ZDHHC9: variants seen among roughly 807,000 people sequenced by gnomAD.
ZDHHC9 encodes palmitoyltransferase ZDHHC9.
ZDHHC9 carries 3 observed loss-of-function variants against 26.6 expected under a neutral mutation model. The observed-to-expected ratio is 0.11, with a 90% CI of 0.05 to 0.29. ZDHHC9 has a LOEUF of 0.29. ZDHHC9 is among the 10% of genes least tolerant of loss of function. The pLI is 1.00. For synonymous variants in ZDHHC9, 111 were observed against 109.4 expected (o/e 1.01, Z -0.09); for missense variants, 146 against 296.4 (o/e 0.49, Z 3.73).
chrX:129,837,314 C>T (rs748600223), intron 3 of ZDHHC9, among the ~76,000 whole-genome samples: 6 of 112,013 alleles, frequency 5.4e-5, no homozygotes, highest in Admixed American at 4.7e-4. Context: ...AGACTAGCTG[C>T]GGGGGACAAC....
intron 10 of ZDHHC9, among the ~76,000 whole-genome samples, chrX:129,808,763 A>G (rs767601571): frequency 8.9e-5 from 10 of 112,418 alleles, no homozygotes; most frequent in Non-Finnish European, 1.9e-4. Flanking sequence ...GACACTATCA[A>G]GAAAATTAAA....
rs1259951507 is a variant in ZDHHC9 at position 129,835,516 on chromosome X, C to T, written c.167+6263G>A. Among the ~76,000 whole-genome samples, 3 of 110,336 alleles carry T rather than the reference C, an allele frequency of 2.7e-5. No individual in the cohort carries two copies. In the South Asian group the frequency reaches 1.2e-3, roughly 43 times the overall value. On this transcript the variant is annotated intron_variant, in intron 3 of 10. Transcript: ENST00000357166. ...AGCAAACTGCCGCCAGGTGCAGTAG[C>T]TCACGCCTGTAATCCCAGCACTTTG... is the stretch of plus-strand genomic sequence containing the variant.
intron 3 of ZDHHC9, among the ~76,000 whole-genome samples, chrX:129,833,068 T>C (rs1602960250): frequency 9.0e-6 from 1 of 110,730 alleles, no homozygotes; most frequent in Non-Finnish European, 1.9e-5. Flanking sequence ...ATAATATCCA[T>C]ATACTTCTTA....
At chrX:129,823,274 T>C (rs1927932789) in intron 5 of ZDHHC9, 14 of 164,834 alleles carry the variant, frequency 8.5e-5, no homozygotes, top group Non-Finnish European at 1.6e-4. Flanking sequence ...CAATAAATGC[T>C]AGCAACTTTC....
chrX:129,816,167 C>T (rs1243056665), intron 5 of ZDHHC9, among the ~76,000 whole-genome samples: 1 of 111,754 alleles, frequency 8.9e-6, no homozygotes, highest in Admixed American at 9.5e-5. Flanking sequence ...ATACAGTTGG[C>T]CCTCCGTATC....
chrX:129,811,912 C>T (rs1455543747), intron 8 of ZDHHC9, among the ~76,000 whole-genome samples: 1 of 110,922 alleles, frequency 9.0e-6, no homozygotes, highest in Admixed American at 9.6e-5. Flanking sequence ...TTTAAAAGTA[C>T]ATAATATAAA....
chrX:129,811,505 T>C lies in ZDHHC9; in HGVS notation c.782A>G (p.Lys261Arg). ...ALNQTTNEDIKGSWTGKNRVQ... is the reference protein window; with the variant it reads ...ALNQTTNEDIRGSWTGKNRVQ... Reference sequence around the variant, plus strand: ...GCGATTCTTCCCTGTCCATGATCCTTTGATCTGCAAGATAAAAACCAAGGC... The same window carrying C: ...GCGATTCTTCCCTGTCCATGATCCTCTGATCTGCAAGATAAAAACCAAGGC... Residue 261 changes from lysine to arginine, a missense_variant, in exon 9 of 11, where the codon AAA becomes AGA. By Grantham distance (26) the Lys-to-Arg change is conservative. This residue lies in a region of ZDHHC9 where 100 missense variants were observed against 250.0 expected (regional missense o/e 0.40). Transcript: ENST00000357166. 8.3e-7 allele frequency: 1 copy of C among 1,198,165 alleles called. No homozygotes were observed.
At chrX:129,823,024 T>C (rs1927926266) in intron 5 of ZDHHC9, 1 of 112,177 alleles carries the variant, frequency 8.9e-6, no homozygotes, top group Non-Finnish European at 1.9e-5. Context: ...TACAGACCAC[T>C]GTATTAGACA....
chrX:129,822,046 G>C (rs971813719), intron 5 of ZDHHC9, among the ~76,000 whole-genome samples: 7 of 111,681 alleles, frequency 6.3e-5, no homozygotes, highest in African/African-American at 2.3e-4. Flanking sequence ...ACAGTGTGGC[G>C]ATTCCTCAAG....
intron 9 of ZDHHC9, 77 bp downstream of exon 9, chrX:129,811,329 A>G: frequency 2.1e-6 from 2 of 932,113 alleles, no homozygotes; most frequent in Admixed American, 4.9e-5. Flanking sequence ...ACTCAGAAAA[A>G]CACATCAGAC....
At chrX:129,819,750 T>C (rs1236998434) in intron 5 of ZDHHC9, among the ~76,000 whole-genome samples, 1 of 110,785 alleles carries the variant, frequency 9.0e-6, no homozygotes, top group African/African-American at 3.3e-5. Flanking sequence ...CAGGCTGGAG[T>C]GCAGTGGCAC....
rs1189801316 is a variant in ZDHHC9 at position 129,835,217 on chromosome X, C to T, written c.168-6076G>A. Among the ~76,000 whole-genome samples, 13 of 111,620 alleles carry T rather than the reference C, an allele frequency of 1.2e-4. 1 individual carries two copies. In the Middle Eastern group the frequency reaches 0.014, roughly 120 times the overall value. On this transcript the variant is annotated intron_variant, in intron 3 of 10. Coordinates refer to ENST00000357166, the MANE Select transcript of ZDHHC9 (RefSeq NM_016032.4). ...ATCCCAGCACTTTGGGAGGCCAAGG[C>T]TGTTGGATCACTTGAGCTCAGGAGT...
intron 5 of ZDHHC9, among the ~76,000 whole-genome samples, chrX:129,820,023 T>C (rs925532508): frequency 1.8e-5 from 2 of 111,246 alleles, no homozygotes; most frequent in Non-Finnish European, 3.8e-5. Flanking sequence ...TACTCATCTA[T>C]TGGTAGACAA....
Position 129,823,476 on chromosome X carries a change from A to G in ZDHHC9, c.487+203T>C, listed in dbSNP as rs781402438. 22 of 420,827 alleles carry G rather than the reference A, an allele frequency of 5.2e-5. No individual in the cohort carries two copies. The Admixed American group carries it at 9.2e-4, about 18-fold the overall frequency. The allele number at this position is 420,827 out of a possible 1,213,427, so 34.7% of individuals were successfully genotyped here. Reference sequence around the variant, plus strand: ...GTTTTTGTAAAGTTTAGGCTAGAGGATATTTAAATTTTGATTTGATCTACA... The same window carrying G: ...GTTTTTGTAAAGTTTAGGCTAGAGGGTATTTAAATTTTGATTTGATCTACA... On this transcript the variant is annotated intron_variant, in intron 5 of 10. Transcript: ENST00000357166.
chrX:129,813,751 G>T, intron 6 of ZDHHC9, 26 bp from the exon 7 acceptor site: 1 of 1,191,068 alleles, frequency 8.4e-7, no homozygotes. Context: ...GAAGAGTAGA[G>T]AGAAAAATTA....
In ZDHHC9 at chrX:129,805,102, G is replaced by A. The variant is rs1345481696; in HGVS notation, c.*1268C>T. The A allele has an allele frequency of 1.8e-5, 2 of 112,614 alleles. No individual in the cohort carries two copies. The highest frequency in any genetic ancestry group is 6.5e-5 in the African/African-American group (2 of 30,898). The allele number at this position is 112,614 out of a possible 1,213,427, so 9.3% of individuals were successfully genotyped here. A position where few individuals can be genotyped will look rare whatever the true frequency, so the allele number is the denominator to read the frequency against. ...TACATAAATCTTCTTCCCTGAAATA[G>A]AGCAGGTCCTGAGCAGAGCTGACTG... On this transcript the variant is annotated 3_prime_UTR_variant, in exon 11 of 11. Coordinates refer to ENST00000357166, the MANE Select transcript of ZDHHC9 (RefSeq NM_016032.4).
intron 5 of ZDHHC9, among the ~76,000 whole-genome samples, chrX:129,817,361 G>A (rs1392884504): frequency 9.1e-6 from 1 of 110,035 alleles, no homozygotes; most frequent in African/African-American, 3.3e-5. Flanking sequence ...CTGAGGTGGG[G>A]GGATCACTTG....
At chrX:129,814,921 G>GGT in intron 5 of ZDHHC9, 126 bp from the exon 6 acceptor site, 2 of 559,262 alleles carry the variant, frequency 3.6e-6, no homozygotes. Context: ...AAAATATAGG[G>GGT]TTTTTTTTTT....
At chrX:129,836,013 C>A (rs1451805922) in intron 3 of ZDHHC9, among the ~76,000 whole-genome samples, 1 of 111,557 alleles carries the variant, frequency 9.0e-6, no homozygotes, top group East Asian at 2.8e-4. Context: ...CAAGACTGAC[C>A]TCCATAGAGT....
Sources: gnomAD v4.1 joint callset for allele counts (sites outside exome capture counted in the v4.1 genomes callset) on GRCh38, gnomAD v4.1.1 for gene constraint, gnomAD v4.1.1 regional missense constraint, MANE v1.5 for transcripts, NCBI Gene and HGNC (gene_info 2026-07-23, HGNC 2026-07-21) for gene names.